Variants in CCSER2 observed in about 807,000 individuals in gnomAD.
The protein encoded by CCSER2 is serine-rich coiled-coil domain-containing protein 2.
A neutral mutation model predicts 92.3 loss-of-function variants in CCSER2; 46 were observed. The observed-to-expected ratio is 0.50, with a 90% CI of 0.39 to 0.64. CCSER2 has a LOEUF of 0.64. Ranked by LOEUF, CCSER2 falls within the 30% of genes least tolerant of loss-of-function variation. The pLI is 0.00. For synonymous variants in CCSER2, 433 were observed against 431.4 expected, an observed-to-expected ratio of 1.00 and a Z score of -0.04; for missense variants, 1,244 against 1,238.9, an observed-to-expected ratio of 1.00 and a Z score of -0.06.
intron 6 of CCSER2, among the ~76,000 whole-genome samples, chr10:84,443,923 A>G (rs1235397154): frequency 4.6e-5 from 7 of 152,080 alleles, no homozygotes; most frequent in Non-Finnish European, 8.8e-5. Context: ...GTTCTTACTC[A>G]TAAGTGGGAG....
intron 6 of CCSER2, among the ~76,000 whole-genome samples, chr10:84,441,928 T>A (rs1472646486): frequency 6.6e-6 from 1 of 151,734 alleles, no homozygotes; most frequent in African/African-American, 2.4e-5. Context: ...GGCTAATTTC[T>A]TATATTTTTA....
intron 6 of CCSER2, among the ~76,000 whole-genome samples, chr10:84,457,251 TTA>T (rs1487208071): frequency 2.9e-5 from 2 of 68,644 alleles, no homozygotes; most frequent in African/African-American, 1.2e-4. Context: ...ATATTATATA[TTA>T]TATAAAATAT....
Position 84,328,616 on chromosome 10 carries a change from AG to A in CCSER2, c.-227del, listed in dbSNP as rs1428958038. 16 of 148,516 alleles carry A rather than the reference AG, an allele frequency of 1.1e-4. No individual in the cohort carries two copies. The highest frequency in any genetic ancestry group is 3.5e-4 in the African/African-American group (14 of 40,244). 9.2% of individuals were successfully genotyped at this position (148,516 alleles called of 1,614,324 possible). On this transcript the variant is annotated 5_prime_UTR_variant, in exon 1 of 10. Coordinates refer to ENST00000372088, the MANE Select transcript of CCSER2 (RefSeq NM_001284240.2). ...AGTCCGGGCGGGCGCCGGCCGAGGG[AG>A]GGGGCGCGGCGGCTTTGGAGTCCGG...
chr10:84,396,156 C>T (rs1054420007), intron 3 of CCSER2, among the ~76,000 whole-genome samples: 1 of 149,824 alleles, frequency 6.7e-6, no homozygotes, highest in Non-Finnish European at 1.5e-5. Flanking sequence ...GGTTTCTCAA[C>T]CACAATATAT....
intron 3 of CCSER2, among the ~76,000 whole-genome samples, chr10:84,388,505 G>A (rs111468867): frequency 1.1e-4 from 17 of 152,266 alleles, no homozygotes; most frequent in African/African-American, 3.9e-4. Context: ...AGAAACCAGT[G>A]TACTTGTACC....
At chr10:84,444,001 G>A (rs1046246005) in intron 6 of CCSER2, among the ~76,000 whole-genome samples, 1 of 152,152 alleles carries the variant, frequency 6.6e-6, no homozygotes, top group Non-Finnish European at 1.5e-5. Flanking sequence ...GGGGGGTAGG[G>A]GGCTGGGGGA....
rs369534581 is a variant in CCSER2, at chr10:84,352,209, CAGG to C, written c.-39-18802_-39-18800del. Among the ~76,000 whole-genome samples, 952 of 152,160 alleles carry C rather than the reference CAGG, an allele frequency of 6.3e-3. 5 individuals are homozygous for C. Among genetic ancestry groups the C allele is most frequent in the African/African-American group, 0.022 (907 of 41,496 alleles). On this transcript the variant is annotated intron_variant, in intron 1 of 9. Transcript: ENST00000372088. ...GTCCCAGGTACTCGGGAGGCTGAGGCAGGAGAATTGCTTGAACTCAGGAGGCGG... is the reference window on the plus strand; with the variant it reads ...GTCCCAGGTACTCGGGAGGCTGAGGCAGAATTGCTTGAACTCAGGAGGCGG...
At position 84,514,847 on chromosome 10, in the gene CCSER2, C is replaced by T. The variant is rs1263639736; in HGVS notation, c.*580C>T. On this transcript the variant is annotated 3_prime_UTR_variant, in exon 10 of 10. Transcript: ENST00000372088. The stretch of plus-strand genomic sequence containing the variant: ...AAGTTTTATTTTTCCTTGCCAGGGT[C>T]AGTCAGCTAATGTTACTGTTGATTC... The T allele has an allele frequency of 6.6e-6, 1 of 152,662 alleles. No individual in the cohort carries two copies. The highest frequency in any genetic ancestry group is 2.4e-5 in the African/African-American group (1 of 41,446). The allele number at this position is 152,662 out of a possible 1,614,324, so 9.5% of individuals were successfully genotyped here.
chr10:84,407,254 G>T (rs17103443), intron 3 of CCSER2, among the ~76,000 whole-genome samples: 4 of 151,994 alleles, frequency 2.6e-5, no homozygotes, highest in African/African-American at 7.3e-5. Context: ...ACCAGATTTG[G>T]CCTTCCTTTT....
intron 1 of CCSER2, among the ~76,000 whole-genome samples, chr10:84,370,162 G>A (rs77811374): frequency 0.015 from 2,264 of 151,958 alleles, 56 homozygotes; most frequent in African/African-American, 0.051. Flanking sequence ...TCTAATTCTG[G>A]GAAAAATGAT....
Position 84,371,438 on chromosome 10 carries a change from C to T in CCSER2, c.386C>T (p.Thr129Ile). The T allele has an allele frequency of 6.2e-7, 1 of 1,613,678 alleles. No homozygotes were observed. The highest frequency in any genetic ancestry group is 8.5e-7 in the Non-Finnish European group (1 of 1,179,816). Residue 129 changes from threonine (T) to isoleucine (I), a missense_variant, in exon 2 of 10, where the codon ACT (threonine) becomes ATT (isoleucine). Transcript: ENST00000372088. ...LFTSKLAKPSTMFVSSTEELN... is the reference protein window; with the variant it reads ...LFTSKLAKPSIMFVSSTEELN... ...ACATCAAAGTTAGCAAAGCCATCCA[C>T]TATGTTTGTGTCATCTACAGAGGAG...
chr10:84,345,150 G>A (rs775477528), intron 1 of CCSER2, among the ~76,000 whole-genome samples: 3 of 152,102 alleles, frequency 2.0e-5, no homozygotes, highest in Non-Finnish European at 2.9e-5. Flanking sequence ...AACTGAAGGC[G>A]GAAAATTAAG....
chr10:84,431,516 G>A (rs1309894368), intron 5 of CCSER2, among the ~76,000 whole-genome samples: 1 of 152,170 alleles, frequency 6.6e-6, no homozygotes, highest in Admixed American at 6.5e-5. Flanking sequence ...CAAGGCAGGA[G>A]GATAGCTTGA....
At chr10:84,504,959 T>G (rs1436445524) in intron 9 of CCSER2, among the ~76,000 whole-genome samples, 1 of 152,174 alleles carries the variant, frequency 6.6e-6, no homozygotes, top group African/African-American at 2.4e-5. Flanking sequence ...ATACAATGAC[T>G]CTTCCTTCAA....
At position 84,490,065 on chromosome 10, in the gene CCSER2, G is replaced by A. The variant is rs567143300; in HGVS notation, c.2325+12401G>A. Among the ~76,000 whole-genome samples the A allele has an allele frequency of 1.1e-4, 16 of 152,176 alleles. No individual in the cohort carries two copies. The East Asian group carries it at 2.3e-3, about 22-fold the overall frequency. On this transcript the variant is annotated intron_variant, in intron 9 of 9. Coordinates refer to ENST00000372088, the MANE Select transcript of CCSER2 (RefSeq NM_001284240.2). ...TTTTCTTTAAGAATGTTGAATATTGGCCCCCACTCTCTTCTGGCTTGTAGA... is the reference window on the plus strand; with the variant it reads ...TTTTCTTTAAGAATGTTGAATATTGACCCCCACTCTCTTCTGGCTTGTAGA...
intron 3 of CCSER2, among the ~76,000 whole-genome samples, chr10:84,403,362 G>T (rs1370806685): frequency 1.3e-5 from 2 of 152,046 alleles, no homozygotes; most frequent in African/African-American, 4.8e-5. Context: ...GAAGAAAATC[G>T]TTAGGAACTA....
chr10:84,493,925 G>A (rs1192527261), intron 9 of CCSER2, among the ~76,000 whole-genome samples: 3 of 152,174 alleles, frequency 2.0e-5, no homozygotes, highest in Non-Finnish European at 2.9e-5. Flanking sequence ...TGGGGGTGAT[G>A]GGAGACAGTG....
rs571320106 is a variant in CCSER2, at chr10:84,514,698, T to C, written c.*431T>C. On this transcript the variant is annotated 3_prime_UTR_variant, in exon 10 of 10. Transcript: ENST00000372088. ...ATGGCTACTATTTTAACTAAAGATA[T>C]GGTGATAATGGAAGATGGTAGTCTG... is the stretch of plus-strand genomic sequence containing the variant. 6.1e-5 allele frequency: 10 copies of C among 164,698 alleles called. No homozygotes were observed. The South Asian group carries it at 1.7e-3, about 28-fold the overall frequency. The allele number at this position is 164,698 out of a possible 1,614,324, so 10.2% of individuals were successfully genotyped here. A position where few individuals can be genotyped will look rare whatever the true frequency, so the allele number is the denominator to read the frequency against.
At chr10:84,342,074 G>T (rs1036833599) in intron 1 of CCSER2, among the ~76,000 whole-genome samples, 1 of 152,116 alleles carries the variant, frequency 6.6e-6, no homozygotes, top group African/African-American at 2.4e-5. Context: ...CCCCCCCCTG[G>T]AGGTTGGGGG....
Sources: allele counts gnomAD v4.1 joint callset (sites outside exome capture counted in the v4.1 genomes callset), GRCh38; gene constraint gnomAD v4.1.1; transcripts MANE v1.5; gene names NCBI Gene and HGNC (gene_info 2026-07-23, HGNC 2026-07-21).